The following FHIP1A variants were observed in gnomAD, a reference collection of about 807,000 sequenced individuals.
FHIP1A encodes the protein FHF complex subunit HOOK interacting protein 1A, also known as FHF complex subunit HOOK-interacting protein 1A.
In FHIP1A, 61 loss-of-function variants were observed where a neutral mutation model predicts 88.6. That is an observed-to-expected ratio of 0.69 (90% confidence interval 0.56 to 0.85). The LOEUF (loss-of-function observed/expected upper bound fraction) is 0.85. Ranked by LOEUF, FHIP1A falls within the 40% of genes least tolerant of loss-of-function variation. The pLI, the probability that FHIP1A is intolerant of heterozygous loss-of-function variation, is 0.00. For synonymous variants in FHIP1A, 478 were observed against 496.0 expected, an observed-to-expected ratio of 0.96 and a Z score of 0.48; for missense variants, 1,154 against 1,273.5, an observed-to-expected ratio of 0.91 and a Z score of 1.43.
chr4:151,412,135 C>A (rs1216326261), intron 1 of FHIP1A, among the ~76,000 whole-genome samples: 2 of 152,150 alleles, frequency 1.3e-5, no homozygotes, highest in African/African-American at 4.8e-5. Context: ...CGGAGTTTCA[C>A]TCTTGTTGCC....
At chr4:151,658,390 A>G (rs1242941297) in intron 13 of FHIP1A, among the ~76,000 whole-genome samples, 1 of 152,230 alleles carries the variant, frequency 6.6e-6, no homozygotes, top group South Asian at 2.1e-4. Context: ...GTCTGCCATC[A>G]GTGGGTGGCT....
chr4:151,621,308 A>G (rs1735734240), intron 7 of FHIP1A, among the ~76,000 whole-genome samples: 1 of 152,036 alleles, frequency 6.6e-6, no homozygotes, highest in African/African-American at 2.4e-5. Context: ...GAGAGAAACG[A>G]ACAGAATAAC....
Position 151,669,111 on chromosome 4 carries a change from C to T in FHIP1A, c.*6357C>T, listed in dbSNP as rs542020040. ...CCCTTTATAAGCAGAGCCATCTTTG[C>T]GAATTTCTTGGGGTGTTAATGTAAA... On this transcript the variant is annotated 3_prime_UTR_variant, in exon 14 of 14. Coordinates refer to ENST00000435205, the MANE Select transcript of FHIP1A (RefSeq NM_001109977.3). 3.3e-5 allele frequency among the ~76,000 whole-genome samples: 5 copies of T among 152,310 alleles called. No homozygotes were observed. The highest frequency in any genetic ancestry group is 2.1e-4 in the South Asian group (1 of 4,830).
chr4:151,543,357 T>G (rs1028993516), intron 3 of FHIP1A, among the ~76,000 whole-genome samples: 2 of 152,156 alleles, frequency 1.3e-5, no homozygotes, highest in African/African-American at 4.8e-5. Flanking sequence ...CACCAGCCCA[T>G]AGGGATGGCT....
chr4:151,610,697 A>G (rs1229372570), intron 7 of FHIP1A, among the ~76,000 whole-genome samples: 1 of 152,126 alleles, frequency 6.6e-6, no homozygotes, highest in Non-Finnish European at 1.5e-5. Context: ...TTTAGCATCT[A>G]TTCCAACTAC....
chr4:151,645,485 C>T (rs1336839644), intron 9 of FHIP1A, among the ~76,000 whole-genome samples: 2 of 151,824 alleles, frequency 1.3e-5, no homozygotes, highest in African/African-American at 2.4e-5. Context: ...GAAGGCATGT[C>T]CTGAAAGTCG....
At chr4:151,500,505 G>A (rs982722632) in intron 3 of FHIP1A, among the ~76,000 whole-genome samples, 7 of 149,250 alleles carry the variant, frequency 4.7e-5, no homozygotes, top group African/African-American at 1.5e-4. Flanking sequence ...CCTGCCCCAT[G>A]TCACTTGGGG....
intron 4 of FHIP1A, among the ~76,000 whole-genome samples, chr4:151,577,206 A>G (rs1347913504): frequency 6.6e-6 from 1 of 152,144 alleles, no homozygotes; most frequent in Non-Finnish European, 1.5e-5. Context: ...ATTTTCTTCA[A>G]TATTTAGATT....
intron 3 of FHIP1A, among the ~76,000 whole-genome samples, chr4:151,530,877 G>A (rs754697403): frequency 7.9e-5 from 12 of 152,152 alleles, no homozygotes; most frequent in Non-Finnish European, 1.6e-4. Flanking sequence ...ATATGGTAAT[G>A]TCTCAAGAAA....
chr4:151,595,220 G>A (rs920232436), intron 7 of FHIP1A, among the ~76,000 whole-genome samples: 34 of 152,266 alleles, frequency 2.2e-4, no homozygotes, highest in African/African-American at 6.5e-4. Context: ...ATTTTGGTAT[G>A]TTGTGTCTTT....
At position 151,566,413 on chromosome 4, in the gene FHIP1A, C is replaced by T. The variant is rs1316884963; in HGVS notation, c.105+49C>T. The T allele has an allele frequency of 1.0e-5, 11 of 1,055,002 alleles. No homozygotes were observed. The Admixed American group carries it at 1.9e-4, about 18-fold the overall frequency. The allele number at this position is 1,055,002 out of a possible 1,614,324, so 65.4% of individuals were successfully genotyped here. A position where few individuals can be genotyped will look rare whatever the true frequency, so the allele number is the denominator to read the frequency against. ...TTGCTGGTCTCAGTAACCCCAGGGGCCTCCATCACACTGAATCAGGGTTTT... is the reference window on the plus strand; with the variant it reads ...TTGCTGGTCTCAGTAACCCCAGGGGTCTCCATCACACTGAATCAGGGTTTT... On this transcript the variant is annotated intron_variant, in intron 4 of 13. Transcript: ENST00000435205.
At chr4:151,464,232 T>G (rs1323276124) in intron 2 of FHIP1A, among the ~76,000 whole-genome samples, 4 of 152,188 alleles carry the variant, frequency 2.6e-5, no homozygotes, top group African/African-American at 9.6e-5. Context: ...CAGTGATTGT[T>G]GTATTATAAT....
intron 4 of FHIP1A, among the ~76,000 whole-genome samples, chr4:151,574,859 A>G (rs1466853607): frequency 6.6e-6 from 1 of 152,208 alleles, no homozygotes; most frequent in Non-Finnish European, 1.5e-5. Context: ...GTATGGTGAT[A>G]TAACATATTT....
chr4:151,480,732 C>T (rs959115736), intron 2 of FHIP1A, among the ~76,000 whole-genome samples: 40 of 152,124 alleles, frequency 2.6e-4, no homozygotes, highest in African/African-American at 9.4e-4. Context: ...TTTTTGCATG[C>T]AAAACGTTAT....
Position 151,582,761 on chromosome 4 carries a change from G to T in FHIP1A, c.733-3880G>T, listed in dbSNP as rs183837774. On this transcript the variant is annotated intron_variant, in intron 5 of 13. Transcript: ENST00000435205. ...AAATAGAATGTTTTGCAATTTTTTT[G>T]TGTGTGTGGATGGGAATCCAAGAAT... 2.5e-3 allele frequency among the ~76,000 whole-genome samples: 388 copies of T among 152,304 alleles called. 1 individual carries two copies. Among genetic ancestry groups the T allele is most frequent in the African/African-American group, 8.5e-3 (353 of 41,580 alleles).
chr4:151,471,158 G>A (rs1294498991), intron 2 of FHIP1A, among the ~76,000 whole-genome samples: 1 of 152,096 alleles, frequency 6.6e-6, no homozygotes, highest in Non-Finnish European at 1.5e-5. Flanking sequence ...AACCTGTGTG[G>A]TGGTCTTTAC....
chr4:151,620,572 C>CTG (rs1488641415), intron 7 of FHIP1A, among the ~76,000 whole-genome samples: 1 of 152,030 alleles, frequency 6.6e-6, no homozygotes, highest in Non-Finnish European at 1.5e-5. Flanking sequence ...GCTGACAAAA[C>CTG]TGTATGCATT....
intron 3 of FHIP1A, among the ~76,000 whole-genome samples, chr4:151,546,844 C>T (rs1429625810): frequency 1.3e-5 from 2 of 152,170 alleles, no homozygotes; most frequent in African/African-American, 4.8e-5. Context: ...AAAATGTTTT[C>T]TGCTACTTTA....
At chr4:151,521,452 T>A (rs1043086381) in intron 3 of FHIP1A, among the ~76,000 whole-genome samples, 6 of 152,230 alleles carry the variant, frequency 3.9e-5, no homozygotes, top group African/African-American at 1.4e-4. Context: ...ACTACTATAC[T>A]GGAAAACTAC....
Sources: gnomAD v4.1 joint callset for allele counts (sites outside exome capture counted in the v4.1 genomes callset) on GRCh38, gnomAD v4.1.1 for gene constraint, MANE v1.5 for transcripts, NCBI Gene and HGNC (gene_info 2026-07-23, HGNC 2026-07-21) for gene names.